Variants in GLI2 observed in about 807,000 individuals in gnomAD.
GLI2 encodes the protein transcription activator GLI2.
A neutral mutation model predicts 78.9 loss-of-function variants in GLI2; 22 were observed. The ratio of observed to expected loss-of-function variants is 0.28; its 90% CI spans 0.20 to 0.40. GLI2 has a LOEUF of 0.40. Ranked by LOEUF, GLI2 falls within the 10% of genes least tolerant of loss-of-function variation. The pLI is 1.00. For missense variants in GLI2, 2,097 were observed against 2,213.2 expected, an observed-to-expected ratio of 0.95 and a Z score of 1.05; for synonymous variants, 974 against 963.7, an observed-to-expected ratio of 1.01 and a Z score of -0.20.
chr2:120,965,994 TG>T (rs1681836928), intron 5 of GLI2, among the ~76,000 whole-genome samples: 1 of 152,224 alleles, frequency 6.6e-6, no homozygotes, highest in Non-Finnish European at 1.5e-5. Flanking sequence ...CTAAAATATC[TG>T]TAAGCCCCAG....
intron 2 of GLI2, among the ~76,000 whole-genome samples, chr2:120,870,147 A>G (rs957854489): frequency 1.3e-5 from 2 of 152,178 alleles, no homozygotes; most frequent in African/African-American, 4.8e-5. Flanking sequence ...CCCTTCGTCC[A>G]GACACCTGGC....
At chr2:120,775,467 G>A (rs1009416775) in intron 1 of GLI2, among the ~76,000 whole-genome samples, 3 of 152,166 alleles carry the variant, frequency 2.0e-5, no homozygotes, top group Non-Finnish European at 2.9e-5. Context: ...CGAACAGTGC[G>A]CTAATGCTCC....
intron 3 of GLI2, 104 bp downstream of exon 3, chr2:120,927,570 G>C (rs2104870616): frequency 2.5e-6 from 2 of 814,622 alleles, no homozygotes; most frequent in Admixed American, 3.4e-5. Context: ...CTTTCTTTTG[G>C]GGGTTCCTGA....
chr2:120,838,025 G>T (rs1686697750), intron 2 of GLI2, among the ~76,000 whole-genome samples: 1 of 152,190 alleles, frequency 6.6e-6, no homozygotes, highest in Non-Finnish European at 1.5e-5. Context: ...GAAAATCCCT[G>T]TTGGGGTTTT....
chr2:120,936,907 C>T (rs1313466854), intron 3 of GLI2, among the ~76,000 whole-genome samples: 1 of 152,210 alleles, frequency 6.6e-6, no homozygotes. Flanking sequence ...GAGCAGTGCC[C>T]TGCCCCTGAG....
chr2:120,858,038 T>C (rs1375472181), intron 2 of GLI2, among the ~76,000 whole-genome samples: 1 of 152,162 alleles, frequency 6.6e-6, no homozygotes, highest in Non-Finnish European at 1.5e-5. Flanking sequence ...TGTTTGAGAC[T>C]GGGATCACCT....
chr2:120,926,151 T>C (rs1351485479), intron 2 of GLI2, among the ~76,000 whole-genome samples: 2 of 146,548 alleles, frequency 1.4e-5, no homozygotes, highest in East Asian at 2.0e-4. Context: ...AAAAAAAGAA[T>C]TCATAGTATT....
At chr2:120,758,941 C>T (rs1683127336) in intron 1 of GLI2, among the ~76,000 whole-genome samples, 1 of 152,202 alleles carries the variant, frequency 6.6e-6, no homozygotes, top group African/African-American at 2.4e-5. Context: ...CCTCTCCCCT[C>T]TGGAGGAAGT....
chr2:120,869,533 A>G (rs927245077), intron 2 of GLI2, among the ~76,000 whole-genome samples: 1 of 152,014 alleles, frequency 6.6e-6, no homozygotes, highest in Non-Finnish European at 1.5e-5. Context: ...CAAAAGCTAC[A>G]CTCTCCACTT....
intron 1 of GLI2, among the ~76,000 whole-genome samples, chr2:120,776,858 C>T (rs1230209130): frequency 6.6e-6 from 1 of 152,192 alleles, no homozygotes; most frequent in East Asian, 1.9e-4. Context: ...CTGAGCCACC[C>T]TGTGAGTGCA....
intron 2 of GLI2, among the ~76,000 whole-genome samples, chr2:120,815,785 A>T (rs145787024): frequency 6.6e-6 from 1 of 152,272 alleles, no homozygotes; most frequent in Non-Finnish European, 1.5e-5. Flanking sequence ...GGGAGCAGTG[A>T]TATCTCTACA....
intron 5 of GLI2, among the ~76,000 whole-genome samples, chr2:120,957,734 T>A (rs755266925): frequency 2.0e-5 from 3 of 152,242 alleles, no homozygotes; most frequent in Non-Finnish European, 2.9e-5. Flanking sequence ...TGCACGTGTG[T>A]GTACGTGCAC....
At chr2:120,975,307 A>C (rs1031137757) in intron 9 of GLI2, among the ~76,000 whole-genome samples, 198 bp downstream of exon 9, 20 of 152,264 alleles carry the variant, frequency 1.3e-4, no homozygotes, top group Non-Finnish European at 2.5e-4. Flanking sequence ...CTTCCAATAC[A>C]TATGTAATAC....
At chr2:120,863,457 C>T (rs1190124850) in intron 2 of GLI2, among the ~76,000 whole-genome samples, 5 of 152,256 alleles carry the variant, frequency 3.3e-5, no homozygotes, top group Non-Finnish European at 7.3e-5. Context: ...GCCTGCCTTG[C>T]TTCAAGCACT....
At chr2:120,987,624 T>C (rs1683040928) in intron 13 of GLI2, among the ~76,000 whole-genome samples, 1 of 152,168 alleles carries the variant, frequency 6.6e-6, no homozygotes, top group Non-Finnish European at 1.5e-5. Flanking sequence ...TGTAATAACC[T>C]GCTCCTTAAA....
At chr2:120,964,588 A>G (rs545149920) in intron 5 of GLI2, among the ~76,000 whole-genome samples, 1 of 152,318 alleles carries the variant, frequency 6.6e-6, no homozygotes, top group East Asian at 1.9e-4. Context: ...GGAGGAGGGA[A>G]GGCCGACTCC....
chr2:120,807,555 C>T (rs1685019798), intron 2 of GLI2, among the ~76,000 whole-genome samples: 1 of 152,198 alleles, frequency 6.6e-6, no homozygotes, highest in African/African-American at 2.4e-5. Flanking sequence ...TAGCAGTTCA[C>T]CCGTGATGTG....
chr2:120,919,623 A>G (rs1231738665), intron 2 of GLI2, among the ~76,000 whole-genome samples: 14 of 152,248 alleles, frequency 9.2e-5, no homozygotes. Flanking sequence ...GTCTCTCTCC[A>G]CGTGGCTCCA....
At chr2:120,905,854 G>A (rs184634133) in intron 2 of GLI2, among the ~76,000 whole-genome samples, 14 of 151,234 alleles carry the variant, frequency 9.3e-5, no homozygotes, top group Non-Finnish European at 1.9e-4. Flanking sequence ...GCTGATTGGG[G>A]GAGGGCTACA....
Sources: gnomAD v4.1 joint callset for allele counts (sites outside exome capture counted in the v4.1 genomes callset) on GRCh38, gnomAD v4.1.1 for gene constraint, MANE v1.5 for transcripts, NCBI Gene and HGNC (gene_info 2026-07-23, HGNC 2026-07-21) for gene names.